The following LRP12 variants were observed in gnomAD, a reference collection of about 807,000 sequenced individuals.
The protein encoded by LRP12 is low-density lipoprotein receptor-related protein 12.
LRP12 carries 14 observed loss-of-function variants against 66.0 expected under a neutral mutation model. The observed-to-expected ratio is 0.21, with a 90% confidence interval of 0.14 to 0.33. LRP12 has a LOEUF of 0.33. LRP12 is among the 10% of genes least tolerant of loss of function. The probability of loss-of-function intolerance (pLI) is 1.00; values close to 1 mark genes in which losing one functional copy is unlikely to be tolerated. For synonymous variants in LRP12, 357 were observed against 359.1 expected, an observed-to-expected ratio of 0.99 and a Z score of 0.07; for missense variants, 889 against 1,053.4, an observed-to-expected ratio of 0.84 and a Z score of 2.16.
intron 2 of LRP12, among the ~76,000 whole-genome samples, chr8:104,522,412 C>G (rs528556970): frequency 6.6e-6 from 1 of 152,196 alleles, no homozygotes; most frequent in East Asian, 1.9e-4. Flanking sequence ...TACTTCAAAA[C>G]TATCTGAAGT....
In LRP12 at chr8:104,497,468, C is replaced by T. The variant is rs1682266450; in HGVS notation, c.1084G>A (p.Ala362Thr). The change falls in exon 5 of 7, where the codon GCA becomes ACA. Residue 362 changes from alanine to threonine, a missense_variant. Ala to Thr is a moderately conservative substitution (Grantham distance 58). Transcript: ENST00000276654. This position sits in a 1 kb window ranked among gnomAD's most constrained non-coding sequence, Gnocchi z 4.3. ...TGGTAAGTAGCATTAAATCCCCTTG[C>T]AGCATTCACTTTATCAGCACAAAAA... is the stretch of plus-strand genomic sequence containing the variant. ...VHFCADKVNA[A>T]RGFNATYQVD... The T allele has an allele frequency of 1.2e-6, 2 of 1,614,174 alleles. No homozygotes were observed. The highest frequency in any genetic ancestry group is 1.7e-6 in the Non-Finnish European group (2 of 1,180,022).
At chr8:104,510,928 G>A (rs555276239) in intron 2 of LRP12, among the ~76,000 whole-genome samples, 1 of 151,552 alleles carries the variant, frequency 6.6e-6, no homozygotes, top group Non-Finnish European at 1.5e-5. Context: ...TATAAAACAC[G>A]GCCTGCACTC....
intron 1 of LRP12, among the ~76,000 whole-genome samples, chr8:104,577,694 T>G (rs113220930): frequency 6.6e-6 from 1 of 150,730 alleles, no homozygotes; most frequent in Non-Finnish European, 1.5e-5. Flanking sequence ...ACCTGTAGTC[T>G]CAGCTACTCG....
Position 104,497,200 on chromosome 8 carries a change from CA to C in LRP12, c.1351del (p.Cys451AlafsTer37), listed in dbSNP as rs35928649. 1.2e-6 allele frequency: 2 copies of C among 1,609,644 alleles called. No homozygotes were observed. Among genetic ancestry groups the C allele is most frequent in the Non-Finnish European group, 1.7e-6 (2 of 1,178,176 alleles). Reference sequence around the variant, plus strand: ...TTTACAATGGAAATTTCCTGGTTGGCAAAAAAAGCAGTTTTTTTCATCTGAG... The same window carrying C: ...TTTACAATGGAAATTTCCTGGTTGGCAAAAAAGCAGTTTTTTTCATCTGAG... ...NGSDEKNCFF[C>X]QPGNFHCKNN... On this transcript the variant is annotated frameshift_variant, in exon 5 of 7. Coordinates refer to ENST00000276654, the MANE Select transcript of LRP12 (RefSeq NM_013437.5). LOFTEE classifies it high-confidence loss of function. The surrounding 1 kb of genome is among the most constrained non-coding windows in gnomAD (Gnocchi z 4.3).
At chr8:104,553,638 T>G (rs981662054) in intron 1 of LRP12, among the ~76,000 whole-genome samples, 3 of 152,148 alleles carry the variant, frequency 2.0e-5, no homozygotes, top group African/African-American at 7.2e-5. Flanking sequence ...TGCCCCCACC[T>G]GATGATCTTT....
Position 104,497,808 on chromosome 8 carries a change from T to C in LRP12, c.744A>G (p.Leu248=). ...GCACATCACAGTCTATCTCATCTCC[T>C]AGGTCAAGGCAGTCAATGTTCCCAT... The part of the protein sequence containing the change: ...KCDGNIDCLD[L]GDEIDCDVPT... The change falls in exon 5 of 7, where the codon CTA becomes CTG. Residue 248 remains leucine (L), a synonymous_variant. Coordinates refer to ENST00000276654, the MANE Select transcript of LRP12 (RefSeq NM_013437.5). This position sits in a 1 kb window ranked among gnomAD's most constrained non-coding sequence, Gnocchi z 4.3. The C allele has an allele frequency of 6.2e-7, 1 of 1,614,198 alleles. No homozygotes were observed. Among genetic ancestry groups the C allele is most frequent in the East Asian group, 2.2e-5 (1 of 44,880 alleles).
At chr8:104,545,617 C>T (rs544214472) in intron 1 of LRP12, among the ~76,000 whole-genome samples, 1 of 152,236 alleles carries the variant, frequency 6.6e-6, no homozygotes, top group African/African-American at 2.4e-5. Context: ...TTGTTAAAGG[C>T]TCAGATGATC....
intron 1 of LRP12, among the ~76,000 whole-genome samples, chr8:104,578,716 A>G (rs1282360276): frequency 1.3e-5 from 2 of 152,142 alleles, no homozygotes; most frequent in African/African-American, 2.4e-5. Context: ...GCACATCAAA[A>G]AGCTTATCCA....
intron 2 of LRP12, among the ~76,000 whole-genome samples, chr8:104,529,984 G>A (rs571864055): frequency 1.3e-5 from 2 of 152,128 alleles, no homozygotes; most frequent in African/African-American, 4.8e-5. Flanking sequence ...GACTGAATGC[G>A]GAAACAGATA....
At chr8:104,508,373 C>G (rs982116607) in intron 3 of LRP12, 1 of 152,214 alleles carries the variant, frequency 6.6e-6, no homozygotes, top group Non-Finnish European at 1.5e-5. Flanking sequence ...CTTAAACTTA[C>G]AGCTATTTCC....
intron 1 of LRP12, among the ~76,000 whole-genome samples, chr8:104,537,798 G>C (rs1811411455): frequency 6.6e-6 from 1 of 152,114 alleles, no homozygotes. Flanking sequence ...CAAAAACATA[G>C]AGTAAAAGAA....
At chr8:104,573,675 T>C (rs1812117271) in intron 1 of LRP12, among the ~76,000 whole-genome samples, 1 of 151,532 alleles carries the variant, frequency 6.6e-6, no homozygotes. Context: ...TCTCTTTTTC[T>C]AATCTTAAAA....
intron 2 of LRP12, among the ~76,000 whole-genome samples, chr8:104,524,604 G>C (rs898802329): frequency 5.3e-5 from 8 of 152,242 alleles, no homozygotes; most frequent in African/African-American, 1.9e-4. Context: ...TAAACAGAAA[G>C]AGCAGGAGAT....
At chr8:104,538,633 A>T (rs965444572) in intron 1 of LRP12, among the ~76,000 whole-genome samples, 1 of 152,184 alleles carries the variant, frequency 6.6e-6, no homozygotes, top group Admixed American at 6.6e-5. Context: ...ACAATGAGAC[A>T]TCACACATCA....
At chr8:104,587,057 C>A (rs1407014096) in intron 1 of LRP12, among the ~76,000 whole-genome samples, 2 of 152,152 alleles carry the variant, frequency 1.3e-5, no homozygotes, top group East Asian at 1.9e-4. Context: ...CTAAAGAATG[C>A]ACCAAAACAA....
intron 1 of LRP12, among the ~76,000 whole-genome samples, chr8:104,540,088 T>C (rs1307176600): frequency 6.6e-6 from 1 of 151,996 alleles, no homozygotes; most frequent in Non-Finnish European, 1.5e-5. Context: ...GGTCCTCTGC[T>C]AAATAAGGTA....
chr8:104,533,257 C>T (rs1036717805), intron 1 of LRP12, among the ~76,000 whole-genome samples: 3 of 152,070 alleles, frequency 2.0e-5, no homozygotes, highest in Admixed American at 2.0e-4. Flanking sequence ...AAATGTCACA[C>T]ATACAGAATT....
intron 6 of LRP12, among the ~76,000 whole-genome samples, chr8:104,493,736 G>A (rs1279481096): frequency 3.3e-5 from 5 of 152,154 alleles, no homozygotes; most frequent in South Asian, 4.1e-4. Context: ...TACAAACTCC[G>A]GACACCCGAG....
In LRP12 at chr8:104,491,476, G is replaced by A; in HGVS notation, c.1777C>T (p.Leu593Phe). The change falls in exon 7 of 7, where the codon CTT becomes TTT. Residue 593 changes from leucine (L) to phenylalanine (F), a missense_variant. Physicochemically the swap from Leu to Phe is conservative, Grantham distance 22. Around this residue, in one of 3 missense-constraint regions of LRP12, gnomAD observed 800 missense variants for 964.5 expected, o/e 0.83. Coordinates refer to ENST00000276654, the MANE Select transcript of LRP12 (RefSeq NM_013437.5). ...TTGCTTGATCTGCCTGCCATAGGAA[G>A]CCTGACTGAAGTAAATCCAAGCTGA... The part of the protein sequence containing the change: ...RSQLGFTSVR[L>F]PMAGRSSNIW... The A allele has an allele frequency of 6.2e-7, 1 of 1,613,754 alleles. No individual in the cohort carries two copies. The highest frequency in any genetic ancestry group is 1.1e-5 in the South Asian group (1 of 91,068).
Sources: allele counts gnomAD v4.1 joint callset (sites outside exome capture counted in the v4.1 genomes callset), GRCh38; gene constraint gnomAD v4.1.1; regional missense constraint gnomAD v4.1.1; non-coding constraint Gnocchi (gnomAD v3.1); transcripts MANE v1.5; gene names NCBI Gene and HGNC (gene_info 2026-07-23, HGNC 2026-07-21).